The following BORCS5 variants were observed in gnomAD, a reference collection of about 807,000 sequenced individuals.
BORCS5 encodes BLOC-1-related complex subunit 5.
A neutral mutation model predicts 22.1 loss-of-function variants in BORCS5; 17 were observed. The observed-to-expected ratio is 0.77, with a 90% CI of 0.53 to 1.15. The LOEUF is 1.15. BORCS5 is among the 50% of genes most tolerant of loss of function. The pLI is 0.00. For synonymous variants in BORCS5, 117 were observed against 99.8 expected, an observed-to-expected ratio of 1.17 and a Z score of -1.03; for missense variants, 247 against 253.2, an observed-to-expected ratio of 0.98 and a Z score of 0.17.
intron 2 of BORCS5, among the ~76,000 whole-genome samples, chr12:12,396,028 T>C (rs1262126974): frequency 2.0e-5 from 3 of 152,062 alleles, no homozygotes; most frequent in Non-Finnish European, 4.4e-5. Context: ...GGAGTCTGGC[T>C]CTGTTGCCCA....
At chr12:12,464,764 G>C (rs771627206) in intron 3 of BORCS5, among the ~76,000 whole-genome samples, 3 of 152,130 alleles carry the variant, frequency 2.0e-5, no homozygotes, top group Non-Finnish European at 4.4e-5. Context: ...AGAGCCCGCA[G>C]TTTCTTTAAT....
chr12:12,364,262 G>C (rs1033597466), intron 2 of BORCS5, among the ~76,000 whole-genome samples: 1 of 152,058 alleles, frequency 6.6e-6, no homozygotes, highest in African/African-American at 2.4e-5. Flanking sequence ...TGTAGTCCCA[G>C]CTACTTGGGA....
intron 2 of BORCS5, among the ~76,000 whole-genome samples, chr12:12,388,666 G>A (rs949209152): frequency 6.7e-6 from 1 of 149,018 alleles, no homozygotes; most frequent in Non-Finnish European, 1.5e-5. Context: ...TGGGGTGGGG[G>A]GGACATATAA....
chr12:12,421,588 C>T (rs1463813392), intron 2 of BORCS5, among the ~76,000 whole-genome samples: 1 of 152,156 alleles, frequency 6.6e-6, no homozygotes. Flanking sequence ...GGAGGATTCC[C>T]TCTTTTTCTA....
Position 12,465,753 on chromosome 12 carries a change from C to A in BORCS5, c.568C>A (p.Pro190Thr), listed in dbSNP as rs536040086. The A allele has an allele frequency of 3.7e-6, 6 of 1,613,310 alleles. No homozygotes were observed. In the Middle Eastern group the frequency reaches 5.0e-4, roughly 133 times the overall value. The change falls in exon 4 of 4, where the codon CCC becomes ACC. Residue 190 changes from proline (P) to threonine (T), a missense_variant. Transcript: ENST00000314565. ...GERLEPFSMK[P>T]DRELRL ...GCGGCTGGAGCCCTTCAGCATGAAG[C>A]CCGACCGCGAGCTCAGGCTGTAGCT...
chr12:12,402,214 T>C (rs1444901171), intron 2 of BORCS5, among the ~76,000 whole-genome samples: 1 of 152,128 alleles, frequency 6.6e-6, no homozygotes, highest in Non-Finnish European at 1.5e-5. Flanking sequence ...TTCATCTGAG[T>C]TTGTTTCTTT....
At chr12:12,414,432 G>T (rs1254256029) in intron 2 of BORCS5, among the ~76,000 whole-genome samples, 2 of 105,012 alleles carry the variant, frequency 1.9e-5, no homozygotes, top group South Asian at 5.4e-4. Context: ...CGGGCGGGGG[G>T]CTGACCCCCC....
intron 2 of BORCS5, among the ~76,000 whole-genome samples, chr12:12,373,918 G>C (rs1863584494): frequency 6.6e-6 from 1 of 151,824 alleles, no homozygotes; most frequent in Non-Finnish European, 1.5e-5. Context: ...GTAGAATTCA[G>C]CTGAGCTTTG....
At chr12:12,374,964 A>G (rs541892965) in intron 2 of BORCS5, among the ~76,000 whole-genome samples, 1 of 152,124 alleles carries the variant, frequency 6.6e-6, no homozygotes, top group East Asian at 1.9e-4. Flanking sequence ...AAAAAAAAAA[A>G]AAAAATTATT....
At chr12:12,373,502 G>C (rs1348868887) in intron 2 of BORCS5, among the ~76,000 whole-genome samples, 1 of 152,054 alleles carries the variant, frequency 6.6e-6, no homozygotes, top group African/African-American at 2.4e-5. Flanking sequence ...TTTTTGTCTG[G>C]TTTTCTAGTT....
chr12:12,378,284 A>G (rs981263290), intron 2 of BORCS5, among the ~76,000 whole-genome samples: 17 of 152,188 alleles, frequency 1.1e-4, no homozygotes, highest in Admixed American at 5.9e-4. Flanking sequence ...AGGCAGGACA[A>G]TCGCTTGAAC....
chr12:12,450,445 T>C (rs981428203), intron 3 of BORCS5, among the ~76,000 whole-genome samples: 3 of 152,248 alleles, frequency 2.0e-5, no homozygotes, highest in Non-Finnish European at 2.9e-5. Flanking sequence ...GCTAACAGTT[T>C]ATTCCCTTTG....
chr12:12,369,712 C>CTTTT (rs71061052), intron 2 of BORCS5, among the ~76,000 whole-genome samples: 641 of 42,960 alleles, frequency 0.015, 121 homozygotes, highest in African/African-American at 0.053. Flanking sequence ...CCCCCCACTT[C>CTTTT]TTTTTTTTTT....
At chr12:12,430,806 C>T (rs900525704) in intron 2 of BORCS5, among the ~76,000 whole-genome samples, 3 of 152,118 alleles carry the variant, frequency 2.0e-5, no homozygotes, top group African/African-American at 7.2e-5. Flanking sequence ...TGCACCCCAA[C>T]CCCCATTTTT....
chr12:12,402,823 C>T (rs1941508123), intron 2 of BORCS5, among the ~76,000 whole-genome samples: 1 of 152,180 alleles, frequency 6.6e-6, no homozygotes, highest in Admixed American at 6.5e-5. Flanking sequence ...TGAAAACAAA[C>T]ATGTTTTAAA....
At chr12:12,435,584 T>C (rs1159089889) in intron 2 of BORCS5, 44 bp from the exon 3 acceptor site, 7 of 1,543,650 alleles carry the variant, frequency 4.5e-6, no homozygotes, top group Non-Finnish European at 6.2e-6. Context: ...CACAAGTTTA[T>C]TAGCAGTAAT....
At chr12:12,372,271 C>G (rs1592060097) in intron 2 of BORCS5, among the ~76,000 whole-genome samples, 2 of 152,314 alleles carry the variant, frequency 1.3e-5, no homozygotes, top group African/African-American at 4.8e-5. Context: ...AACTCCTGAC[C>G]TCAGGTGATC....
intron 2 of BORCS5, among the ~76,000 whole-genome samples, chr12:12,429,292 A>G (rs1662433902): frequency 6.6e-6 from 1 of 152,118 alleles, no homozygotes. Context: ...TACGAGAGGG[A>G]GATGGTTTCC....
intron 2 of BORCS5, among the ~76,000 whole-genome samples, chr12:12,372,267 T>C (rs1053400429): frequency 2.6e-5 from 4 of 152,232 alleles, no homozygotes; most frequent in Non-Finnish European, 4.4e-5. Context: ...CTTGAACTCC[T>C]GACCTCAGGT....
Sources: allele counts gnomAD v4.1 joint callset (sites outside exome capture counted in the v4.1 genomes callset), GRCh38; gene constraint gnomAD v4.1.1; transcripts MANE v1.5; gene names NCBI Gene and HGNC (gene_info 2026-07-23, HGNC 2026-07-21).